SIRT1: variants seen among roughly 807,000 people sequenced by gnomAD.
SIRT1 encodes sirtuin 1, also known as NAD-dependent protein deacetylase sirtuin-1.
In SIRT1, 24 loss-of-function variants were observed where a neutral mutation model predicts 67.9. The ratio of observed to expected loss-of-function variants is 0.35; its 90% CI spans 0.26 to 0.50. SIRT1 has a LOEUF of 0.50. SIRT1 is among the 20% of genes least tolerant of loss of function. The pLI is 0.98. For synonymous variants in SIRT1, 378 were observed against 350.7 expected (o/e 1.08, Z -0.87); for missense variants, 873 against 937.2 (o/e 0.93, Z 0.89).
Position 67,912,532 on chromosome 10 carries a change from G to A in SIRT1, c.1416G>A (p.Leu472=). 6.2e-7 allele frequency: 1 copy of A among 1,613,968 alleles called. No individual in the cohort carries two copies. The highest frequency in any genetic ancestry group is 8.5e-7 in the Non-Finnish European group (1 of 1,180,000). Residue 472 remains leucine, a synonymous_variant, in exon 8 of 9, where the codon CTG becomes CTA. Transcript: ENST00000212015. Reference sequence around the variant, plus strand: ...TTAATAGAGAACCTTTGCCTCATCTGCATTTTGATGTAGAGCTTCTTGGAG... The same window carrying A: ...TTAATAGAGAACCTTTGCCTCATCTACATTTTGATGTAGAGCTTCTTGGAG... ...ILINREPLPH[L]HFDVELLGDC...
At chr10:67,897,072 C>CGT (rs2131862150) in intron 4 of SIRT1, among the ~76,000 whole-genome samples, 1 of 151,714 alleles carries the variant, frequency 6.6e-6, no homozygotes, top group East Asian at 2.0e-4. Context: ...AGCAGAATCA[C>CGT]TTGAACCTGG....
At chr10:67,892,657 A>G (rs956396163) in intron 4 of SIRT1, among the ~76,000 whole-genome samples, 31 of 151,590 alleles carry the variant, frequency 2.0e-4, no homozygotes, top group Non-Finnish European at 4.4e-4. Context: ...GCTGGAGTGC[A>G]ATGGCATGAT....
rs755850401 is a variant in SIRT1 at position 67,918,099 on chromosome 10, GCTACA to G, written c.*1510_*1514del. ...AGATGTCTCAATCTGAATTTATTTG[GCTACA>G]CTAAAGAATGCAGTATATTTAGTTT... On this transcript the variant is annotated 3_prime_UTR_variant, in exon 9 of 9. Coordinates refer to ENST00000212015, the MANE Select transcript of SIRT1 (RefSeq NM_012238.5). The G allele has an allele frequency of 1.3e-5, 2 of 152,552 alleles. No individual in the cohort carries two copies. Among genetic ancestry groups the G allele is most frequent in the Non-Finnish European group, 2.9e-5 (2 of 68,022 alleles). The allele number at this position is 152,552 out of a possible 1,614,324, so 9.4% of individuals were successfully genotyped here.
chr10:67,914,166 G>A (rs1054412893), intron 8 of SIRT1, among the ~76,000 whole-genome samples: 1 of 144,516 alleles, frequency 6.9e-6, no homozygotes, highest in Non-Finnish European at 1.5e-5. Context: ...CTGCGTCCCA[G>A]GTTCAAGAGA....
At chr10:67,905,883 T>A (rs536803834) in intron 4 of SIRT1, among the ~76,000 whole-genome samples, 1 of 152,332 alleles carries the variant, frequency 6.6e-6, no homozygotes, top group African/African-American at 2.4e-5. Flanking sequence ...ATTATGGATG[T>A]ACCATATTTA....
chr10:67,899,278 A>G (rs928564124), intron 4 of SIRT1, among the ~76,000 whole-genome samples: 1 of 151,764 alleles, frequency 6.6e-6, no homozygotes, highest in Non-Finnish European at 1.5e-5. Flanking sequence ...CAAAATCCAC[A>G]AAAACCCCAG....
rs550281473 is a variant in SIRT1, at chr10:67,894,449, A to G, written c.942+2895A>G. Among the ~76,000 whole-genome samples the G allele has an allele frequency of 4.5e-4, 68 of 152,294 alleles. 1 individual carries two copies. In the South Asian group the frequency reaches 0.014, roughly 31 times the overall value. ...CTACTCCTGCTAGTGGCACTACTGC[A>G]TGGTTTTGAAGACCAGTGAAGTATG... On this transcript the variant is annotated intron_variant, in intron 4 of 8. Coordinates refer to ENST00000212015, the MANE Select transcript of SIRT1 (RefSeq NM_012238.5).
rs948757989 is a variant in SIRT1, at chr10:67,884,809, G to A, written c.88G>A (p.Gly30Arg). The A allele has an allele frequency of 1.4e-5, 16 of 1,171,098 alleles. No homozygotes were observed. Among genetic ancestry groups the A allele is most frequent in the Non-Finnish European group, 1.7e-5 (16 of 952,092 alleles). 72.5% of individuals were successfully genotyped at this position (1,171,098 alleles called of 1,614,324 possible). A position where few individuals can be genotyped will look rare whatever the true frequency, so the allele number is the denominator to read the frequency against. The change falls in exon 1 of 9, where the codon GGG becomes AGG. Residue 30 changes from glycine (G) to arginine (R), a missense_variant. By Grantham distance (125) the Gly-to-Arg change is moderately radical. Around this residue, in one of 3 missense-constraint regions of SIRT1, gnomAD observed 327 missense variants for 283.9 expected, o/e 1.15. Transcript: ENST00000212015. ...CAGGGAGGCCGCGTCGTCCCCCGCC[G>A]GGGAGCCGCTCCGCAAGAGGCCGCG... ...ADREAASSPA[G>R]EPLRKRPRRD...
chr10:67,886,089 C>T (rs959971861), intron 1 of SIRT1, among the ~76,000 whole-genome samples: 1 of 151,712 alleles, frequency 6.6e-6, no homozygotes, highest in South Asian at 2.1e-4. Context: ...ACTACAGACA[C>T]CCGCCACCAC....
Position 67,884,909 on chromosome 10 carries a change from C to A in SIRT1, c.188C>A (p.Ala63Glu). The A allele has an allele frequency of 8.2e-7, 1 of 1,222,252 alleles. No homozygotes were observed. Among genetic ancestry groups the A allele is most frequent in the Middle Eastern group, 3.1e-4 (1 of 3,220 alleles). The allele number at this position is 1,222,252 out of a possible 1,614,324, so 75.7% of individuals were successfully genotyped here. The stretch of plus-strand genomic sequence containing the variant: ...GCCCCAGAGCGTGAGGTGCCGGCGG[C>A]GGCCAGGGGCTGCCCGGGTGCGGCG... Reference protein sequence around the residue: ...GAAPEREVPAAARGCPGAAAA... With the variant: ...GAAPEREVPAEARGCPGAAAA... The change falls in exon 1 of 9, where the codon GCG (alanine) becomes GAG (glutamate). Residue 63 changes from alanine to glutamate, a missense_variant. This residue lies in a region of SIRT1 where 327 missense variants were observed against 283.9 expected (regional missense o/e 1.15). Coordinates refer to ENST00000212015, the MANE Select transcript of SIRT1 (RefSeq NM_012238.5).
chr10:67,904,577 G>C (rs1184673453), intron 4 of SIRT1, among the ~76,000 whole-genome samples: 2 of 152,168 alleles, frequency 1.3e-5, no homozygotes, highest in Non-Finnish European at 2.9e-5. Context: ...CGGGTGCAGT[G>C]GCTCACGCCT....
rs756541937 is a variant in SIRT1, at chr10:67,898,258, C to CAA, written c.942+6718_942+6719dup. Among the ~76,000 whole-genome samples the CAA allele has an allele frequency of 1.3e-3, 87 of 66,678 alleles. 2 individuals carry two copies. Among genetic ancestry groups the CAA allele is most frequent in the African/African-American group, 3.2e-3 (77 of 23,910 alleles). The allele number at this position is 66,678 out of a possible 152,430, so 43.7% of individuals were successfully genotyped here. Reference sequence around the variant, plus strand: ...TGGGCGAGAGAGTGAGACTCTGTCTCAAAAAAAAAAAAAAAGAAAAGAAAA... The same window carrying CAA: ...TGGGCGAGAGAGTGAGACTCTGTCTCAAAAAAAAAAAAAAAAAGAAAAGAAAA... On this transcript the variant is annotated intron_variant, in intron 4 of 8. Coordinates refer to ENST00000212015, the MANE Select transcript of SIRT1 (RefSeq NM_012238.5).
chr10:67,887,502 C>T lies in SIRT1; in HGVS notation c.516C>T (p.Ser172=), dbSNP rs1842502496. Residue 172 remains serine, a synonymous_variant, in exon 2 of 9, where the codon AGC becomes AGT. Transcript: ENST00000212015. ...SDEEDRASHA[S]SSDWTPRPRI... is the part of the protein sequence containing the mutation. ...AGGAGGATAGAGCCTCACATGCAAG[C>T]TCTAGTGACTGGACTCCAAGGCCAC... 2 of 1,613,062 alleles carry T rather than the reference C, an allele frequency of 1.2e-6. No homozygotes were observed. Among genetic ancestry groups the T allele is most frequent in the Non-Finnish European group, 1.7e-6 (2 of 1,179,124 alleles).
chr10:67,900,902 AT>A (rs1449554399), intron 4 of SIRT1, among the ~76,000 whole-genome samples: 1 of 152,050 alleles, frequency 6.6e-6, no homozygotes, highest in African/African-American at 2.4e-5. Flanking sequence ...TACCTTTCAA[AT>A]TTTATTTTTA....
intron 1 of SIRT1, among the ~76,000 whole-genome samples, chr10:67,886,334 T>C (rs959762760): frequency 2.0e-5 from 3 of 151,876 alleles, no homozygotes; most frequent in Admixed American, 6.6e-5. Context: ...GGCTCTTTCG[T>C]GTAATCCTAG....
intron 4 of SIRT1, chr10:67,906,080 T>C (rs1327758328): frequency 8.7e-7 from 1 of 1,144,358 alleles, no homozygotes; most frequent in Non-Finnish European, 1.1e-6. Flanking sequence ...ATAAAAACAC[T>C]GTCAAAAGTT....
At chr10:67,904,986 G>A (rs1589079741) in intron 4 of SIRT1, among the ~76,000 whole-genome samples, 1 of 152,134 alleles carries the variant, frequency 6.6e-6, no homozygotes, top group Non-Finnish European at 1.5e-5. Context: ...AGAAAGGGTG[G>A]GGGTGGACGT....
At chr10:67,901,308 G>A (rs1269545479) in intron 4 of SIRT1, among the ~76,000 whole-genome samples, 2 of 151,470 alleles carry the variant, frequency 1.3e-5, no homozygotes, top group Admixed American at 1.3e-4. Context: ...ATTTTTTTTT[G>A]TATTTTTGGT....
intron 7 of SIRT1, among the ~76,000 whole-genome samples, chr10:67,911,934 T>C (rs1842906930): frequency 6.6e-6 from 1 of 152,000 alleles, no homozygotes. Context: ...CCGGCTAATT[T>C]TGTGTTTTTA....
Sources: allele counts gnomAD v4.1 joint callset (sites outside exome capture counted in the v4.1 genomes callset), GRCh38; gene constraint gnomAD v4.1.1; regional missense constraint gnomAD v4.1.1; transcripts MANE v1.5; gene names NCBI Gene and HGNC (gene_info 2026-07-23, HGNC 2026-07-21).